CEP112: variants seen among roughly 807,000 people sequenced by gnomAD.
The protein encoded by CEP112 is centrosomal protein 112, also known as centrosomal protein of 112 kDa.
Under a neutral mutation model 153.0 loss-of-function variants are expected in CEP112, and 127 were observed. That is an observed-to-expected ratio of 0.83 (90% CI 0.72 to 0.96). The LOEUF is 0.96. Among genes scored for constraint, CEP112 ranks in the 40% least tolerant of loss-of-function variants. The pLI, the probability that CEP112 is intolerant of heterozygous loss-of-function variation, is 0.00. For missense variants in CEP112, 1,089 were observed against 1,101.2 expected, an observed-to-expected ratio of 0.99 and a Z score of 0.16; for synonymous variants, 358 against 374.4, an observed-to-expected ratio of 0.96 and a Z score of 0.51.
chr17:66,172,782 T>C (rs998316955), intron 4 of CEP112, among the ~76,000 whole-genome samples: 2 of 152,204 alleles, frequency 1.3e-5, no homozygotes, highest in Non-Finnish European at 2.9e-5. Flanking sequence ...GCACTGAAAC[T>C]ATCCATGTGC....
chr17:65,891,749 C>T (rs569870612), intron 20 of CEP112, among the ~76,000 whole-genome samples: 1 of 152,302 alleles, frequency 6.6e-6, no homozygotes, highest in South Asian at 2.1e-4. Context: ...TCCCTGCCCC[C>T]TTTCTCATAC....
chr17:65,951,749 C>CCCCCTCCG (rs71160510), intron 18 of CEP112, among the ~76,000 whole-genome samples: 1 of 106,148 alleles, frequency 9.4e-6, no homozygotes, highest in South Asian at 3.6e-4. Context: ...CCCCGCCCCC[C>CCCCCTCCG]CCTTTCTTCC....
At chr17:65,715,240 T>C (rs2049438925) in intron 23 of CEP112, among the ~76,000 whole-genome samples, 1 of 152,058 alleles carries the variant, frequency 6.6e-6, no homozygotes, top group Admixed American at 6.5e-5. Context: ...CGCAGAGGTG[T>C]CTATTCAGTC....
chr17:65,950,699 C>CTATTATTATTATTATTATCAGTAG (rs57598697), intron 18 of CEP112, among the ~76,000 whole-genome samples: 3 of 147,134 alleles, frequency 2.0e-5, no homozygotes, highest in Non-Finnish European at 4.5e-5. Context: ...GGATACATTA[C>CTATTATTATTATTATTATCAGTAG]TAGTAGTAGT....
chr17:65,786,824 G>A (rs1182200507), intron 21 of CEP112, among the ~76,000 whole-genome samples: 2 of 152,044 alleles, frequency 1.3e-5, no homozygotes, highest in Admixed American at 6.6e-5. Flanking sequence ...AGGCTCAAGT[G>A]ATCCGCCTGC....
intron 21 of CEP112, chr17:65,825,992 G>A: frequency 1.3e-6 from 1 of 768,258 alleles, no homozygotes. Flanking sequence ...TCTGTTCAAT[G>A]TGATTGCAGT....
intron 24 of CEP112, among the ~76,000 whole-genome samples, chr17:65,684,508 G>C (rs765403643): frequency 6.6e-6 from 1 of 152,144 alleles, no homozygotes; most frequent in Non-Finnish European, 1.5e-5. Context: ...GCTTTACACA[G>C]TGTTAAGAAT....
chr17:66,187,124 CAGAT>C (rs1470394512), intron 1 of CEP112, among the ~76,000 whole-genome samples: 2 of 152,206 alleles, frequency 1.3e-5, no homozygotes, highest in East Asian at 1.9e-4. Context: ...GCCACGATCT[CAGAT>C]AGAGGCCTGC....
intron 21 of CEP112, among the ~76,000 whole-genome samples, chr17:65,837,916 C>G (rs2057383257): frequency 6.6e-6 from 1 of 152,102 alleles, no homozygotes; most frequent in African/African-American, 2.4e-5. Flanking sequence ...CATCACCACT[C>G]CCTAATCTCA....
At chr17:65,862,842 T>C (rs1054112662) in intron 20 of CEP112, among the ~76,000 whole-genome samples, 1 of 152,174 alleles carries the variant, frequency 6.6e-6, no homozygotes, top group Non-Finnish European at 1.5e-5. Flanking sequence ...TACTATTTAT[T>C]ATGGAAATGC....
At chr17:65,864,538 T>C (rs2058419194) in intron 20 of CEP112, among the ~76,000 whole-genome samples, 1 of 152,180 alleles carries the variant, frequency 6.6e-6, no homozygotes, top group Non-Finnish European at 1.5e-5. Flanking sequence ...CACAATTAGT[T>C]AGTGATACAG....
chr17:66,130,635 G>T (rs998198097), intron 5 of CEP112, among the ~76,000 whole-genome samples: 1 of 151,976 alleles, frequency 6.6e-6, no homozygotes, highest in Non-Finnish European at 1.5e-5. Flanking sequence ...AATTAGCCGG[G>T]CGTGGTGGTG....
intron 19 of CEP112, among the ~76,000 whole-genome samples, chr17:65,920,735 G>A (rs1465434054): frequency 1.3e-5 from 2 of 151,714 alleles, no homozygotes; most frequent in Admixed American, 1.3e-4. Context: ...GACCAAAATC[G>A]ACCTATTCCT....
intron 17 of CEP112, among the ~76,000 whole-genome samples, chr17:65,982,708 G>A (rs192115121): frequency 2.5e-3 from 374 of 152,154 alleles, no homozygotes; most frequent in Non-Finnish European, 3.7e-3. Flanking sequence ...TTCCACTCCT[G>A]GGTATATACA....
At position 65,902,201 on chromosome 17, in the gene CEP112, T is replaced by C. The variant is rs757769831; in HGVS notation, c.2114A>G (p.Asn705Ser). The C allele has an allele frequency of 3.1e-6, 5 of 1,614,010 alleles. No homozygotes were observed. The highest frequency in any genetic ancestry group is 1.7e-5 in the Admixed American group (1 of 60,002). ...CTGAATTTGATTTTCGTGCTCCATA[T>C]TGGCAGCGCGAAGCTGTTTTTCCAG... is the stretch of plus-strand genomic sequence containing the variant. Reference protein sequence around the residue: ...ENLEKQLRAANMEHENQIQEF... With the variant: ...ENLEKQLRAASMEHENQIQEF... The change falls in exon 20 of 27, where the codon AAT (asparagine) becomes AGT (serine). Residue 705 changes from asparagine to serine, a missense_variant. By Grantham distance (46) the Asn-to-Ser change is conservative. Transcript: ENST00000535342.
intron 8 of CEP112, among the ~76,000 whole-genome samples, chr17:66,083,686 T>C (rs1195672730): frequency 6.6e-6 from 1 of 152,138 alleles, no homozygotes; most frequent in African/African-American, 2.4e-5. Flanking sequence ...CCGTCTCTAC[T>C]GTAAATACAA....
At chr17:65,759,417 T>A (rs2052477217) in intron 21 of CEP112, among the ~76,000 whole-genome samples, 1 of 152,154 alleles carries the variant, frequency 6.6e-6, no homozygotes, top group Non-Finnish European at 1.5e-5. Flanking sequence ...CATGTAACAC[T>A]ATGAATCCAG....
chr17:65,821,494 AAT>A (rs1491527484), intron 21 of CEP112, among the ~76,000 whole-genome samples: 8 of 129,454 alleles, frequency 6.2e-5, no homozygotes, highest in South Asian at 2.4e-4. Flanking sequence ...TTATATATAT[AAT>A]TATATATATA....
intron 23 of CEP112, among the ~76,000 whole-genome samples, chr17:65,739,804 G>A (rs2051022669): frequency 6.6e-6 from 1 of 152,030 alleles, no homozygotes; most frequent in Non-Finnish European, 1.5e-5. Context: ...AAGGAATTCT[G>A]TTTTCTAAAA....
Sources: gnomAD v4.1 joint callset for allele counts (sites outside exome capture counted in the v4.1 genomes callset) on GRCh38, gnomAD v4.1.1 for gene constraint, MANE v1.5 for transcripts, NCBI Gene and HGNC (gene_info 2026-07-23, HGNC 2026-07-21) for gene names.